Variants in NEDD4L observed in about 807,000 individuals in gnomAD.
NEDD4L encodes NEDD4 like E3 ubiquitin protein ligase.
In NEDD4L, 54 loss-of-function variants were observed where a neutral mutation model predicts 148.9. The ratio of observed to expected loss-of-function variants is 0.36; its 90% CI spans 0.29 to 0.45. The LOEUF (loss-of-function observed/expected upper bound fraction) is 0.45. Ranked by LOEUF, NEDD4L falls within the 20% of genes least tolerant of loss-of-function variation. The probability of loss-of-function intolerance (pLI) is 1.00; values close to 1 mark genes in which losing one functional copy is unlikely to be tolerated. For synonymous variants in NEDD4L, 433 were observed against 440.7 expected, an observed-to-expected ratio of 0.98 and a Z score of 0.22; for missense variants, 856 against 1,233.8, an observed-to-expected ratio of 0.69 and a Z score of 4.59.
intron 17 of NEDD4L, 71 bp from the exon 18 acceptor site, chr18:58,350,920 T>C: frequency 8.3e-7 from 1 of 1,210,914 alleles, no homozygotes; most frequent in Non-Finnish European, 1.2e-6. Flanking sequence ...AGTTTTTAAA[T>C]GTTGCCTTTG....
At chr18:58,091,094 A>G (rs1407554579) in intron 1 of NEDD4L, 2 of 152,188 alleles carry the variant, frequency 1.3e-5, no homozygotes, top group Non-Finnish European at 2.9e-5. Flanking sequence ...CTTCTTGTCC[A>G]TTTTACACAC....
intron 5 of NEDD4L, among the ~76,000 whole-genome samples, chr18:58,261,173 C>T (rs1160105530): frequency 6.6e-6 from 1 of 152,146 alleles, no homozygotes; most frequent in Admixed American, 6.5e-5. Flanking sequence ...TCTCATCTTT[C>T]CTAAGTATTT....
At chr18:58,053,951 G>C (rs965135339) in intron 1 of NEDD4L, among the ~76,000 whole-genome samples, 1 of 152,206 alleles carries the variant, frequency 6.6e-6, no homozygotes, top group African/African-American at 2.4e-5. Flanking sequence ...GTGAGTGTTG[G>C]ATGTCACTAA....
chr18:58,358,581 A>G (rs2045039486), intron 19 of NEDD4L, among the ~76,000 whole-genome samples: 1 of 152,182 alleles, frequency 6.6e-6, no homozygotes, highest in African/African-American at 2.4e-5. Context: ...CTTACTGAAA[A>G]TTGCTCAGCA....
At chr18:58,223,759 C>T (rs899079858) in intron 2 of NEDD4L, among the ~76,000 whole-genome samples, 8 of 152,192 alleles carry the variant, frequency 5.3e-5, no homozygotes, top group African/African-American at 1.9e-4. Context: ...ACTCGCTCAC[C>T]TTGAATCACG....
intron 1 of NEDD4L, among the ~76,000 whole-genome samples, chr18:58,159,281 A>G (rs1025256616): frequency 2.6e-5 from 4 of 152,140 alleles, no homozygotes; most frequent in African/African-American, 9.7e-5. Context: ...GAGGATTTTT[A>G]GGACAGTGGA....
chr18:58,398,157 TAAAAAAAAAAAAAAAAAAAAAAAAA>T lies in NEDD4L; in HGVS notation c.*1901_*1925del, dbSNP rs35545013. ...TCAGAAAACTTAGATGCTATGTAAC[TAAAAAAAAAAAAAAAAAAAAAAAAA>T]AAAAAAAAAAAATTCCCGCTCATGA... On this transcript the variant is annotated 3_prime_UTR_variant, in exon 31 of 31. Transcript: ENST00000400345. 3.2e-5 allele frequency: 1 copy of T among 30,984 alleles called. No homozygotes were observed. The highest frequency in any genetic ancestry group is 9.2e-5 in the African/African-American group (1 of 10,904). 1.9% of individuals were successfully genotyped at this position (30,984 alleles called of 1,614,324 possible). A position where few individuals can be genotyped will look rare whatever the true frequency, so the allele number is the denominator to read the frequency against.
At chr18:58,349,409 C>A in intron 16 of NEDD4L, 128 bp from the exon 17 acceptor site, 2 of 689,670 alleles carry the variant, frequency 2.9e-6, no homozygotes, top group Non-Finnish European at 5.3e-6. Flanking sequence ...AGAGATGGGA[C>A]CCATCTCACG....
chr18:58,199,290 G>A (rs1304962558), intron 2 of NEDD4L, among the ~76,000 whole-genome samples: 5 of 152,082 alleles, frequency 3.3e-5, no homozygotes. Context: ...TCAACCAGTG[G>A]CAGTTTTGCC....
chr18:58,075,915 C>T (rs754774064), intron 1 of NEDD4L, among the ~76,000 whole-genome samples: 25 of 152,054 alleles, frequency 1.6e-4, no homozygotes, highest in Non-Finnish European at 1.0e-4. Flanking sequence ...AGTGACAGGG[C>T]GAGACCCCTC....
intron 1 of NEDD4L, chr18:58,090,840 A>G (rs2084034405): frequency 6.6e-6 from 1 of 152,226 alleles, no homozygotes. Flanking sequence ...CTTTCTGTAG[A>G]AGTTTTTTCA....
chr18:58,229,442 T>C (rs1414936945), intron 2 of NEDD4L, among the ~76,000 whole-genome samples: 3 of 152,162 alleles, frequency 2.0e-5, no homozygotes, highest in Non-Finnish European at 4.4e-5. Context: ...CTATCACACA[T>C]TTTGTCCCCT....
intron 1 of NEDD4L, among the ~76,000 whole-genome samples, chr18:58,093,706 A>T (rs1266171348): frequency 1.3e-5 from 2 of 152,218 alleles, no homozygotes; most frequent in Non-Finnish European, 2.9e-5. Flanking sequence ...TGCAGTGGTC[A>T]AATATTGCAC....
intron 2 of NEDD4L, among the ~76,000 whole-genome samples, chr18:58,207,166 G>A (rs141260473): frequency 4.2e-4 from 64 of 152,224 alleles, no homozygotes; most frequent in African/African-American, 1.5e-3. Flanking sequence ...AGTTCCAGCC[G>A]GCGCCATTTT....
intron 1 of NEDD4L, among the ~76,000 whole-genome samples, chr18:58,075,536 A>G (rs950661864): frequency 2.0e-5 from 3 of 152,050 alleles, no homozygotes; most frequent in Admixed American, 1.3e-4. Context: ...TGCATCCTCA[A>G]ACTTGTGGGG....
chr18:58,385,816 T>A (rs1464037890), intron 26 of NEDD4L, among the ~76,000 whole-genome samples: 1 of 152,006 alleles, frequency 6.6e-6, no homozygotes, highest in Non-Finnish European at 1.5e-5. Flanking sequence ...GTTCTCCTGC[T>A]TGACTTCTCT....
At chr18:58,307,737 G>A (rs1264568547) in intron 5 of NEDD4L, among the ~76,000 whole-genome samples, 1 of 152,168 alleles carries the variant, frequency 6.6e-6, no homozygotes, top group Non-Finnish European at 1.5e-5. Flanking sequence ...CAATAAATAT[G>A]AAAATGAAAT....
chr18:58,397,696 C>T lies in NEDD4L; in HGVS notation c.*1427C>T, dbSNP rs2147145014. The T allele has an allele frequency of 6.5e-6, 1 of 152,738 alleles. No homozygotes were observed. Among genetic ancestry groups the T allele is most frequent in the Non-Finnish European group, 1.5e-5 (1 of 68,022 alleles). The allele number at this position is 152,738 out of a possible 1,614,324, so 9.5% of individuals were successfully genotyped here. A position where few individuals can be genotyped will look rare whatever the true frequency, so the allele number is the denominator to read the frequency against. On this transcript the variant is annotated 3_prime_UTR_variant, in exon 31 of 31. Transcript: ENST00000400345. The stretch of plus-strand genomic sequence containing the variant: ...GCTCAAGCTATTGAGCTGGTAGTGG[C>T]AGAGGACTGAGGGTACCTGCACAGT...
At chr18:58,324,786 C>T (rs2059162492) in intron 8 of NEDD4L, among the ~76,000 whole-genome samples, 1 of 152,202 alleles carries the variant, frequency 6.6e-6, no homozygotes, top group Non-Finnish European at 1.5e-5. Flanking sequence ...TTGGCCATTA[C>T]TCAGAAGATT....
Sources: gnomAD v4.1 joint callset for allele counts (sites outside exome capture counted in the v4.1 genomes callset) on GRCh38, gnomAD v4.1.1 for gene constraint, MANE v1.5 for transcripts, NCBI Gene and HGNC (gene_info 2026-07-23, HGNC 2026-07-21) for gene names.